DPH6: variants seen among roughly 807,000 people sequenced by gnomAD.
DPH6 encodes the protein diphthine--ammonia ligase.
DPH6 carries 33 observed loss-of-function variants against 38.2 expected under a neutral mutation model. The ratio of observed to expected loss-of-function variants is 0.86; its 90% CI spans 0.65 to 1.15. DPH6 has a LOEUF of 1.15. Among genes scored for constraint, DPH6 ranks in the 50% most tolerant of loss-of-function variants. DPH6 has a pLI of 0.00. For missense variants in DPH6, 325 were observed against 320.0 expected (o/e 1.02, Z -0.12); for synonymous variants, 108 against 103.0 (o/e 1.05, Z -0.30).
chr15:35,295,310 A>C (rs1481626370), intron 3 of DPH6, among the ~76,000 whole-genome samples: 1 of 152,092 alleles, frequency 6.6e-6, no homozygotes, highest in African/African-American at 2.4e-5. Context: ...AAATCCCCCC[A>C]AGTCCACAGT....
In DPH6 at chr15:35,371,003, A is replaced by T. The variant is rs2052706681; in HGVS notation, c.*1147T>A. On this transcript the variant is annotated 3_prime_UTR_variant, in exon 9 of 9. Coordinates refer to ENST00000256538, the MANE Select transcript of DPH6 (RefSeq NM_080650.4). ...ACCAGACAATAAAATTTTATTCTAC[A>T]CTAAAAAAAAAATGAGCTACATATA... 1 of 151,638 alleles carries T rather than the reference A, an allele frequency of 6.6e-6. No homozygotes were observed. The highest frequency in any genetic ancestry group is 1.5e-5 in the Non-Finnish European group (1 of 67,720). The allele number at this position is 151,638 out of a possible 1,614,324, so 9.4% of individuals were successfully genotyped here. A position where few individuals can be genotyped will look rare whatever the true frequency, so the allele number is the denominator to read the frequency against.
At chr15:35,224,220 C>T (rs1219182052) in intron 3 of DPH6, among the ~76,000 whole-genome samples, 1 of 150,184 alleles carries the variant, frequency 6.7e-6, no homozygotes, top group African/African-American at 2.5e-5. Context: ...GATTCTCCTG[C>T]CTCAGTCTCC....
chr15:35,434,149 T>A (rs562923344), intron 5 of DPH6, among the ~76,000 whole-genome samples: 25 of 152,242 alleles, frequency 1.6e-4, no homozygotes, highest in African/African-American at 4.6e-4. Flanking sequence ...GCAGGCCAGT[T>A]TGAGTCAAAG....
In DPH6 at chr15:35,373,508, T is replaced by C. The variant is rs202091304; in HGVS notation, c.750+13A>G. 1.9e-6 allele frequency: 3 copies of C among 1,596,190 alleles called. No homozygotes were observed. Among genetic ancestry groups the C allele is most frequent in the East Asian group, 2.3e-5 (1 of 43,946 alleles). The stretch of plus-strand genomic sequence containing the variant: ...TTTCTATTGAAATCACTGTGAATCT[T>C]AGATTTACTTGCCTTGTCCTCCAAG... On this transcript the variant is annotated intron_variant, in intron 8 of 8. Transcript: ENST00000256538.
At chr15:35,345,630 C>T (rs140575084) in intron 3 of DPH6, among the ~76,000 whole-genome samples, 6 of 151,994 alleles carry the variant, frequency 3.9e-5, no homozygotes, top group East Asian at 3.9e-4. Context: ...CCAGATACTA[C>T]TCGATAATTT....
chr15:35,380,227 T>C (rs2052846124), intron 7 of DPH6, among the ~76,000 whole-genome samples: 1 of 152,246 alleles, frequency 6.6e-6, no homozygotes, highest in African/African-American at 2.4e-5. Flanking sequence ...CACTTTGCAC[T>C]GAACAGCTCA....
chr15:35,250,071 A>G lies in DPH6; in HGVS notation n.201-29489T>C, dbSNP rs980740069. On this transcript the variant is annotated intron_variant and non_coding_transcript_variant, in intron 3 of 3. Coordinates refer to the DPH6 transcript ENST00000560386. ...TGGGCACCTGTAGTCTCAGCTACTC[A>G]GGAGGCTGAGGCAGGAGAATGGAGT... 5.3e-5 allele frequency among the ~76,000 whole-genome samples: 8 copies of G among 152,068 alleles called. 1 individual carries two copies. The highest frequency in any genetic ancestry group is 2.0e-4 in the Admixed American group (3 of 15,276).
intron 5 of DPH6, among the ~76,000 whole-genome samples, chr15:35,445,833 A>G (rs1021501374): frequency 2.0e-5 from 3 of 152,180 alleles, no homozygotes; most frequent in African/African-American, 7.2e-5. Context: ...CGGTGAGCTC[A>G]AGTGTTGCTA....
chr15:35,414,578 T>A (rs1342839501), intron 5 of DPH6, among the ~76,000 whole-genome samples: 1 of 151,848 alleles, frequency 6.6e-6, no homozygotes, highest in African/African-American at 2.4e-5. Context: ...TCTGCTTTTC[T>A]GCCTTCTATT....
chr15:35,191,450 G>A, the DPH6 span, among the ~76,000 whole-genome samples: 3 of 152,238 alleles, frequency 2.0e-5, no homozygotes, highest in Admixed American at 2.0e-4. Context: ...AAAAGCCTAT[G>A]AACATCTCCA....
intron 5 of DPH6, among the ~76,000 whole-genome samples, chr15:35,448,454 T>C (rs2053885080): frequency 6.6e-6 from 1 of 152,168 alleles, no homozygotes; most frequent in Non-Finnish European, 1.5e-5. Context: ...TTGAATTTGA[T>C]TGTGAAATAT....
chr15:35,422,847 GT>G (rs1228428179), intron 5 of DPH6, among the ~76,000 whole-genome samples: 2 of 151,816 alleles, frequency 1.3e-5, no homozygotes, highest in Non-Finnish European at 3.0e-5. Context: ...ATTTTACATA[GT>G]ATAAGGTCCT....
chr15:35,382,654 A>C (rs2052887018), intron 6 of DPH6, among the ~76,000 whole-genome samples: 1 of 152,178 alleles, frequency 6.6e-6, no homozygotes, highest in Non-Finnish European at 1.5e-5. Context: ...CAGAAAAAGC[A>C]ATATAAGGCC....
intron 6 of DPH6, among the ~76,000 whole-genome samples, chr15:35,406,701 G>T (rs1201482644): frequency 6.6e-6 from 1 of 151,918 alleles, no homozygotes; most frequent in Admixed American, 6.6e-5. Context: ...CAGACAATGG[G>T]GCCAGCCCTT....
chr15:35,203,906 T>C, the DPH6 span, among the ~76,000 whole-genome samples: 1 of 151,734 alleles, frequency 6.6e-6, no homozygotes, highest in Non-Finnish European at 1.5e-5. Context: ...TTTCATTAAT[T>C]GTCAGGCTCT....
intron 3 of DPH6, among the ~76,000 whole-genome samples, chr15:35,482,180 T>G (rs1415415324): frequency 6.6e-6 from 1 of 152,194 alleles, no homozygotes; most frequent in Non-Finnish European, 1.5e-5. Context: ...TGTGATCTCC[T>G]GGCAAACGAA....
At chr15:35,473,096 C>A (rs1425193106) in intron 3 of DPH6, among the ~76,000 whole-genome samples, 1 of 152,086 alleles carries the variant, frequency 6.6e-6, no homozygotes, top group Non-Finnish European at 1.5e-5. Flanking sequence ...TTAGTGGGAG[C>A]AATCTCTAAG....
chr15:35,180,990 G>C, the DPH6 span, among the ~76,000 whole-genome samples: 1 of 152,178 alleles, frequency 6.6e-6, no homozygotes, highest in Non-Finnish European at 1.5e-5. Context: ...GAATGTAGCT[G>C]TGTTGACATT....
At position 35,419,998 on chromosome 15, in the gene DPH6, T is replaced by C. The variant is rs145699380; in HGVS notation, c.506-9102A>G. On this transcript the variant is annotated intron_variant, in intron 5 of 8. Coordinates refer to ENST00000256538, the MANE Select transcript of DPH6 (RefSeq NM_080650.4). ...CAACAGAAGAGAAATTCTTCTCAAG[T>C]GCACATGAAACATTCTCCAGGAGAG... Among the ~76,000 whole-genome samples, 600 of 152,232 alleles carry C rather than the reference T, an allele frequency of 3.9e-3. 2 individuals carry two copies. The highest frequency in any genetic ancestry group is 0.014 in the African/African-American group (576 of 41,532).
Sources: allele counts gnomAD v4.1 joint callset (sites outside exome capture counted in the v4.1 genomes callset), GRCh38; gene constraint gnomAD v4.1.1; transcripts MANE v1.5; gene names NCBI Gene and HGNC (gene_info 2026-07-23, HGNC 2026-07-21).